Variants in THSD4 observed in about 807,000 individuals in gnomAD.
THSD4 encodes the protein thrombospondin type 1 domain containing 4, also known as thrombospondin type-1 domain-containing protein 4.
In THSD4, 69 loss-of-function variants were observed where a neutral mutation model predicts 119.0. That is an observed-to-expected ratio of 0.58 (90% CI 0.48 to 0.71). The LOEUF is 0.71. THSD4 is among the 30% of genes least tolerant of loss of function. The pLI is 0.00. For missense variants in THSD4, 1,393 were observed against 1,391.1 expected, an observed-to-expected ratio of 1.00 and a Z score of -0.02; for synonymous variants, 524 against 540.4, an observed-to-expected ratio of 0.97 and a Z score of 0.42.
Position 71,545,859 on chromosome 15 carries a change from C to T in THSD4, c.1153-114671C>T, listed in dbSNP as rs541619760. Among the ~76,000 whole-genome samples, 34 of 152,252 alleles carry T rather than the reference C, an allele frequency of 2.2e-4. No individual in the cohort carries two copies. The East Asian group carries it at 6.2e-3, about 28-fold the overall frequency. Reference sequence around the variant, plus strand: ...AAAAAACTCCCCACTGGTAAATGGTCATGTGACTGGTGATAATAAACTTTC... The same window carrying T: ...AAAAAACTCCCCACTGGTAAATGGTTATGTGACTGGTGATAATAAACTTTC... On this transcript the variant is annotated intron_variant, in intron 7 of 17. Coordinates refer to ENST00000261862, the MANE Select transcript of THSD4 (RefSeq NM_024817.3).
chr15:71,216,428 C>G (rs933278873), intron 4 of THSD4, among the ~76,000 whole-genome samples: 16 of 152,234 alleles, frequency 1.1e-4, no homozygotes, highest in Non-Finnish European at 2.2e-4. Context: ...GTGATGGAAG[C>G]TGTCACTGCC....
intron 7 of THSD4, among the ~76,000 whole-genome samples, chr15:71,467,264 C>A (rs983929001): frequency 1.3e-5 from 2 of 152,188 alleles, no homozygotes; most frequent in Non-Finnish European, 2.9e-5. Flanking sequence ...TCTCATCCAT[C>A]CTCGGTTCAC....
chr15:71,434,331 G>A (rs1331133445), intron 7 of THSD4, among the ~76,000 whole-genome samples: 1 of 151,254 alleles, frequency 6.6e-6, no homozygotes, highest in Admixed American at 6.6e-5. Context: ...AAGCAGATCA[G>A]TGCAAAAGAG....
intron 6 of THSD4, among the ~76,000 whole-genome samples, chr15:71,297,845 G>A (rs1435726037): frequency 6.6e-6 from 1 of 152,012 alleles, no homozygotes; most frequent in Non-Finnish European, 1.5e-5. Flanking sequence ...TGTGTGTTCT[G>A]GATACTGGAA....
At chr15:71,534,385 G>T (rs986925527) in intron 7 of THSD4, among the ~76,000 whole-genome samples, 1 of 152,170 alleles carries the variant, frequency 6.6e-6, no homozygotes, top group Non-Finnish European at 1.5e-5. Context: ...GTAGCAACGT[G>T]TTATTTGATT....
chr15:71,768,192 T>A (rs2053747325), intron 16 of THSD4, among the ~76,000 whole-genome samples: 2 of 151,938 alleles, frequency 1.3e-5, no homozygotes, highest in South Asian at 4.2e-4. Context: ...CCCTGTAAAC[T>A]GATGGATCTG....
chr15:71,391,124 G>T (rs1203474159), intron 6 of THSD4, among the ~76,000 whole-genome samples: 1 of 151,470 alleles, frequency 6.6e-6, no homozygotes, highest in East Asian at 2.0e-4. Context: ...CGCCTCCCGG[G>T]TTCACACCAT....
intron 6 of THSD4, among the ~76,000 whole-genome samples, chr15:71,392,945 C>T (rs1362859260): frequency 6.6e-6 from 1 of 152,230 alleles, no homozygotes; most frequent in Non-Finnish European, 1.5e-5. Flanking sequence ...GAACATCCTT[C>T]CCAGCGCTTC....
intron 6 of THSD4, among the ~76,000 whole-genome samples, chr15:71,299,881 T>C (rs2044919784): frequency 6.6e-6 from 1 of 150,838 alleles, no homozygotes; most frequent in South Asian, 2.1e-4. Context: ...ATCCCAGCAA[T>C]TTGGGAGGCC....
chr15:71,096,972 A>C (rs902029705), exon 1 of THSD4: 2 of 152,246 alleles, frequency 1.3e-5, no homozygotes, highest in Non-Finnish European at 2.9e-5. Flanking sequence ...CGTGAATTGA[A>C]TCACAGCAGT....
At chr15:71,559,334 G>T (rs2049074445) in intron 7 of THSD4, among the ~76,000 whole-genome samples, 1 of 152,096 alleles carries the variant, frequency 6.6e-6, no homozygotes, top group Admixed American at 6.5e-5. Flanking sequence ...GTCTGTTTTG[G>T]TGGTTTCTTC....
At chr15:71,490,526 C>T (rs2047900554) in intron 7 of THSD4, among the ~76,000 whole-genome samples, 1 of 144,186 alleles carries the variant, frequency 6.9e-6, no homozygotes, top group Non-Finnish European at 1.5e-5. Context: ...CGCCACTGCA[C>T]TCCAGCCTGG....
intron 6 of THSD4, among the ~76,000 whole-genome samples, chr15:71,305,229 A>G (rs1359177000): frequency 6.6e-6 from 1 of 152,220 alleles, no homozygotes; most frequent in Non-Finnish European, 1.5e-5. Flanking sequence ...AACACATCAA[A>G]GTACCAATTT....
chr15:71,274,037 G>C (rs905176729), intron 6 of THSD4, among the ~76,000 whole-genome samples: 1 of 152,158 alleles, frequency 6.6e-6, no homozygotes, highest in African/African-American at 2.4e-5. Flanking sequence ...TGGTAACAAG[G>C]GTTGGATTGG....
At chr15:71,339,581 T>C (rs12916138) in intron 6 of THSD4, among the ~76,000 whole-genome samples, 60,236 of 151,962 alleles carry the variant, frequency 0.4, 12,419 homozygotes, top group Middle Eastern at 0.48. Flanking sequence ...GTTGCCTGCA[T>C]TAAAATCCCA....
chr15:71,284,152 A>G (rs544386860), intron 6 of THSD4, among the ~76,000 whole-genome samples: 6 of 152,218 alleles, frequency 3.9e-5, no homozygotes, highest in African/African-American at 1.4e-4. Flanking sequence ...ATGTCTACAC[A>G]TTCTTATGAA....
In THSD4 at chr15:71,648,597, T is replaced by A. The variant is rs1242177903; in HGVS notation, c.1153-11933T>A. On this transcript the variant is annotated intron_variant, in intron 7 of 17. Transcript: ENST00000261862. ...AATCTCTGGAAGCCTTGATCACCAT[T>A]GTCCCAGAGCATTATTGAAATGCAA... Among the ~76,000 whole-genome samples, 5 of 152,348 alleles carry A rather than the reference T, an allele frequency of 3.3e-5. No homozygotes were observed. The East Asian group carries it at 9.6e-4, about 29-fold the overall frequency.
chr15:71,466,299 T>A (rs997986590), intron 7 of THSD4, among the ~76,000 whole-genome samples: 10 of 150,380 alleles, frequency 6.6e-5, no homozygotes, highest in African/African-American at 2.2e-4. Flanking sequence ...GAGCTGAGAT[T>A]GCACCACTGC....
chr15:71,618,971 T>A (rs2050371674), intron 7 of THSD4, among the ~76,000 whole-genome samples: 1 of 151,404 alleles, frequency 6.6e-6, no homozygotes, highest in African/African-American at 2.4e-5. Context: ...ACTTGAATAT[T>A]CTTTTTTTTT....
Sources: allele counts gnomAD v4.1 joint callset (sites outside exome capture counted in the v4.1 genomes callset), GRCh38; gene constraint gnomAD v4.1.1; transcripts MANE v1.5; gene names NCBI Gene and HGNC (gene_info 2026-07-23, HGNC 2026-07-21).